Variants in CETP observed in about 807,000 individuals in gnomAD.
CETP encodes the protein cholesteryl ester transfer protein, also known as BPI fold containing family F.
Under a neutral mutation model 66.5 loss-of-function variants are expected in CETP, and 56 were observed. The ratio of observed to expected loss-of-function variants is 0.84; its 90% CI spans 0.68 to 1.05. The LOEUF (loss-of-function observed/expected upper bound fraction) is 1.05. CETP is among the 50% of genes least tolerant of loss of function. The pLI is 0.00. For missense variants in CETP, 612 were observed against 609.6 expected (o/e 1.00, Z -0.04); for synonymous variants, 251 against 245.7 (o/e 1.02, Z -0.20).
chr16:56,982,280 G>C, intron 14 of CETP, 43 bp downstream of exon 14: 2 of 1,586,048 alleles, frequency 1.3e-6, no homozygotes, highest in Non-Finnish European at 1.7e-6. Context: ...GAGGCTGACA[G>C]AGCTTCCCAT....
intron 10 of CETP, among the ~76,000 whole-genome samples, chr16:56,976,008 G>A (rs1350724588): frequency 6.6e-6 from 1 of 152,148 alleles, no homozygotes; most frequent in African/African-American, 2.4e-5. Flanking sequence ...AGCCTTCCCC[G>A]GCTCTGTGAT....
rs60705829 is a variant in CETP at position 56,963,990 on chromosome 16, T to TTTTATTTA, written c.233+913_233+920dup. On this transcript the variant is annotated intron_variant, in intron 2 of 15. Coordinates refer to ENST00000200676, the MANE Select transcript of CETP (RefSeq NM_000078.3). ...GGCCCTTTATCTATCTTAATCTTTA[T>TTTTATTTA]TTTATTTATTTATTTATTTATTTAT... Among the ~76,000 whole-genome samples the TTTTATTTA allele has an allele frequency of 1.2e-3, 159 of 132,396 alleles. 1 individual carries two copies. The highest frequency in any genetic ancestry group is 1.0e-3 in the South Asian group (4 of 3,830). The allele number at this position is 132,396 out of a possible 152,430, so 86.9% of individuals were successfully genotyped here.
At chr16:56,970,699 G>C (rs2056103246) in intron 5 of CETP, among the ~76,000 whole-genome samples, 1 of 152,194 alleles carries the variant, frequency 6.6e-6, no homozygotes, top group Non-Finnish European at 1.5e-5. Context: ...CTGGTGGGTG[G>C]GGTCTGGAGA....
At chr16:56,962,132 G>T (rs995506552) in intron 1 of CETP, 35 bp downstream of exon 1, 2 of 1,552,546 alleles carry the variant, frequency 1.3e-6, no homozygotes, top group African/African-American at 1.4e-5. Flanking sequence ...CCTGCCAGGG[G>T]TCTTTTCATG....
At chr16:56,979,742 A>G (rs1489005071) in intron 11 of CETP, among the ~76,000 whole-genome samples, 1 of 152,156 alleles carries the variant, frequency 6.6e-6, no homozygotes, top group East Asian at 1.9e-4. Flanking sequence ...CCTGACCTCC[A>G]GTGATCCACC....
intron 11 of CETP, 74 bp downstream of exon 11, chr16:56,978,329 G>A (rs544735798): frequency 2.4e-4 from 376 of 1,587,734 alleles, no homozygotes; most frequent in Non-Finnish European, 3.1e-4. Context: ...CAGGGGCCTG[G>A]GGGTCTCTGA....
At position 56,983,790 on chromosome 16, in the gene CETP, C is replaced by G; in HGVS notation, c.*124C>G. 1 of 845,998 alleles carries G rather than the reference C, an allele frequency of 1.2e-6. No individual in the cohort carries two copies. The highest frequency in any genetic ancestry group is 2.0e-6 in the Non-Finnish European group (1 of 494,234). 52.4% of individuals were successfully genotyped at this position (845,998 alleles called of 1,614,324 possible). A position where few individuals can be genotyped will look rare whatever the true frequency, so the allele number is the denominator to read the frequency against. ...TTAGGAGTACGGAGATGGAGATTGG[C>G]TCCCAACTCCTCCCTATCCTAAAGG... is the stretch of plus-strand genomic sequence containing the variant. On this transcript the variant is annotated 3_prime_UTR_variant, in exon 16 of 16. Transcript: ENST00000200676.
At chr16:56,973,534 T>A (rs11076176) in intron 9 of CETP, 24 bp downstream of exon 9, 19 of 1,613,086 alleles carry the variant, frequency 1.2e-5, no homozygotes, top group Admixed American at 5.0e-5. Flanking sequence ...GCTGGGCTGC[T>A]AGGGGATCCA....
Position 56,972,038 on chromosome 16 carries a change from A to G in CETP, c.705A>G (p.Thr235=), listed in dbSNP as rs899393891. The G allele has an allele frequency of 1.2e-6, 2 of 1,614,116 alleles. No homozygotes were observed. The highest frequency in any genetic ancestry group is 1.7e-6 in the Non-Finnish European group (2 of 1,180,000). ...DGDIGVDISL[T]GDPVITASYL... ...ACATTGGGGTGGACATTTCCCTGAC[A>G]GGTGATCCCGTCATCACAGCCTCCT... The change falls in exon 8 of 16, where the codon ACA becomes ACG. Residue 235 remains threonine, a synonymous_variant. Coordinates refer to ENST00000200676, the MANE Select transcript of CETP (RefSeq NM_000078.3).
At position 56,971,584 on chromosome 16, in the gene CETP, G is replaced by A. The variant is rs535464315; in HGVS notation, c.658+203G>A. 7.2e-5 allele frequency among the ~76,000 whole-genome samples: 11 copies of A among 152,302 alleles called. No homozygotes were observed. In the South Asian group the frequency reaches 1.0e-3, roughly 14 times the overall value. ...GCTGCAGCCTCACAAGCTGTGTGGC[G>A]TTGGGCAAGTCTATAGAACTCAGGA... On this transcript the variant is annotated intron_variant, in intron 7 of 15. Coordinates refer to ENST00000200676, the MANE Select transcript of CETP (RefSeq NM_000078.3).
intron 11 of CETP, among the ~76,000 whole-genome samples, chr16:56,980,053 C>T (rs917092662): frequency 6.6e-6 from 1 of 152,216 alleles, no homozygotes; most frequent in African/African-American, 2.4e-5. Context: ...CCCCCACCCA[C>T]TTCCCGCTTT....
intron 11 of CETP, among the ~76,000 whole-genome samples, chr16:56,980,932 A>G (rs563500362): frequency 6.6e-6 from 1 of 152,344 alleles, no homozygotes; most frequent in African/African-American, 2.4e-5. Context: ...AAACAAAAAA[A>G]GAAAAGAAAA....
At position 56,969,523 on chromosome 16, in the gene CETP, A is replaced by G. The variant is rs1375905815; in HGVS notation, c.368+3A>G. On this transcript the variant is annotated splice_donor_region_variant and intron_variant, in intron 3 of 15. Coordinates refer to ENST00000200676, the MANE Select transcript of CETP (RefSeq NM_000078.3). Reference sequence around the variant, plus strand: ...TATGGCTACACCACTGCCTGGTGGTAAGCATTCCTGTCAGCTGATGCCCCA... The same window carrying G: ...TATGGCTACACCACTGCCTGGTGGTGAGCATTCCTGTCAGCTGATGCCCCA... The G allele has an allele frequency of 6.2e-7, 1 of 1,614,184 alleles. No individual in the cohort carries two copies. Among genetic ancestry groups the G allele is most frequent in the African/African-American group, 1.3e-5 (1 of 75,058 alleles).
rs145531171 is a variant in CETP at position 56,981,390 on chromosome 16, G to C, written c.1214+165G>C. Among the ~76,000 whole-genome samples the C allele has an allele frequency of 1.8e-3, 269 of 152,340 alleles. 1 individual carries two copies. Among genetic ancestry groups the C allele is most frequent in the African/African-American group, 6.2e-3 (257 of 41,568 alleles). On this transcript the variant is annotated intron_variant, in intron 12 of 15. Coordinates refer to ENST00000200676, the MANE Select transcript of CETP (RefSeq NM_000078.3). Reference sequence around the variant, plus strand: ...AAGACCCTGCCTAGATAGAATCTTCGTGGGGAAGAAGGGGCTCCAGGAAGA... The same window carrying C: ...AAGACCCTGCCTAGATAGAATCTTCCTGGGGAAGAAGGGGCTCCAGGAAGA...
intron 9 of CETP, among the ~76,000 whole-genome samples, chr16:56,974,864 G>T (rs113476332): frequency 3.8e-4 from 58 of 152,324 alleles, no homozygotes; most frequent in African/African-American, 1.4e-3. Context: ...GAAGAGACTT[G>T]TGCGAGGTCA....
rs201267603 is a variant in CETP, at chr16:56,971,308, C to G, written c.598-13C>G. 602 of 1,613,734 alleles carry G rather than the reference C, an allele frequency of 3.7e-4. No individual in the cohort carries two copies. Among genetic ancestry groups the G allele is most frequent in the Non-Finnish European group, 4.6e-4 (542 of 1,180,012 alleles). On this transcript the variant is annotated splice_polypyrimidine_tract_variant and intron_variant, in intron 6 of 15. Coordinates refer to ENST00000200676, the MANE Select transcript of CETP (RefSeq NM_000078.3). ...CTTTCCTGCCTGGAAAGCACCTGCT[C>G]TGTCTGCCCCAGATCTGCAAAGAGA...
chr16:56,978,319 C>T (rs2056164961), intron 11 of CETP, 64 bp downstream of exon 11: 2 of 1,604,630 alleles, frequency 1.2e-6, no homozygotes, highest in Non-Finnish European at 1.7e-6. Context: ...CCGCAGAGGG[C>T]AGGGGCCTGG....
chr16:56,971,970 C>T lies in CETP; in HGVS notation c.659-22C>T, dbSNP rs12720872. On this transcript the variant is annotated intron_variant, in intron 7 of 15. Coordinates refer to ENST00000200676, the MANE Select transcript of CETP (RefSeq NM_000078.3). ...GCAATTCCCCCATCCTGAGGCCCTG[C>T]GTTGATCTTTTCCTCCTGCAGCCAG... 6.0e-3 allele frequency: 9,689 copies of T among 1,606,286 alleles called. 543 individuals are homozygous for T. The African/African-American group carries it at 0.11, about 19-fold the overall frequency.
chr16:56,971,007 C>T (rs1407994678), intron 5 of CETP, 26 bp from the exon 6 acceptor site: 16 of 1,612,420 alleles, frequency 9.9e-6, no homozygotes, highest in Non-Finnish European at 1.2e-5. Flanking sequence ...TGGTCAGGGG[C>T]TCATTGTGGT....
Sources: allele counts gnomAD v4.1 joint callset (sites outside exome capture counted in the v4.1 genomes callset), GRCh38; gene constraint gnomAD v4.1.1; transcripts MANE v1.5; gene names NCBI Gene and HGNC (gene_info 2026-07-23, HGNC 2026-07-21).